ZFR2: variants seen among roughly 807,000 people sequenced by gnomAD.
ZFR2 encodes the protein zinc finger RNA binding protein 2, also known as zinc finger RNA-binding protein 2.
Under a neutral mutation model 105.7 loss-of-function variants are expected in ZFR2, and 104 were observed. The ratio of observed to expected loss-of-function variants is 0.98; its 90% CI spans 0.84 to 1.16. The LOEUF (loss-of-function observed/expected upper bound fraction) is 1.16, where lower values mean the gene tolerates loss of function less well. ZFR2 is among the 50% of genes most tolerant of loss of function. The pLI is 0.00. For missense variants in ZFR2, 1,425 were observed against 1,355.5 expected, an observed-to-expected ratio of 1.05 and a Z score of -0.80; for synonymous variants, 634 against 597.7, an observed-to-expected ratio of 1.06 and a Z score of -0.89.
chr19:3,860,223 TG>T (rs560705937), intron 1 of ZFR2, among the ~76,000 whole-genome samples: 480 of 141,176 alleles, frequency 3.4e-3, no homozygotes, highest in African/African-American at 0.01. Context: ...TTTTCAGAGA[TG>T]GGGGGGGTCT....
chr19:3,856,869 T>C (rs1485498381), intron 1 of ZFR2: 1 of 151,826 alleles, frequency 6.6e-6, no homozygotes, highest in African/African-American at 2.4e-5. Context: ...TAGCTGGGAA[T>C]ATAGGCACCT....
rs760306477 is a variant in ZFR2, at chr19:3,831,862, G to A, written c.396C>T (p.Cys132=). 6.9e-6 allele frequency: 11 copies of A among 1,585,024 alleles called. No homozygotes were observed. The East Asian group carries it at 1.1e-4, about 16-fold the overall frequency. The change falls in exon 4 of 19, where the codon TGC becomes TGT. Residue 132 remains cysteine (C), a synonymous_variant. Transcript: ENST00000262961. ...GACTGCCATGGGGGCTGGGCTGCCCGCAGGCTTCTTGGGTCCCTAGGGGAC... is the reference window on the plus strand; with the variant it reads ...GACTGCCATGGGGGCTGGGCTGCCCACAGGCTTCTTGGGTCCCTAGGGGAC... The part of the protein sequence containing the change: ...DSGQPGTQEA[C]GQPSPHGSHS...
intron 1 of ZFR2, among the ~76,000 whole-genome samples, chr19:3,848,337 G>A (rs1463393336): frequency 6.6e-6 from 1 of 151,166 alleles, no homozygotes; most frequent in African/African-American, 2.4e-5. Flanking sequence ...GCTTGAATGG[G>A]GGAGGTGGAG....
chr19:3,822,178 A>G lies in ZFR2; in HGVS notation c.1394T>C (p.Val465Ala). ...GCACAGCTTGCAGTGGAAGCGAAGC[A>G]CTCGCCCTTCGTCGCTGAACACCTG... Reference protein sequence around the residue: ...VEEVFSDEGRVLRFHCKLCEC... With the variant: ...VEEVFSDEGRALRFHCKLCEC... Residue 465 changes from valine to alanine, a missense_variant, in exon 9 of 19, where the codon GTG (valine) becomes GCG (alanine). Physicochemically the swap from Val to Ala is moderately conservative, Grantham distance 64. Coordinates refer to ENST00000262961, the MANE Select transcript of ZFR2 (RefSeq NM_015174.2). The G allele has an allele frequency of 2.5e-6, 4 of 1,602,610 alleles. No homozygotes were observed. Among genetic ancestry groups the G allele is most frequent in the Non-Finnish European group, 3.4e-6 (4 of 1,175,212 alleles).
At chr19:3,814,543 T>A (rs1245060397) in intron 13 of ZFR2, among the ~76,000 whole-genome samples, 1 of 152,198 alleles carries the variant, frequency 6.6e-6, no homozygotes, top group Middle Eastern at 3.2e-3. Context: ...TCTCAGGGCC[T>A]CCCTGCTGCA....
chr19:3,830,389 T>C (rs1349205935), intron 5 of ZFR2, among the ~76,000 whole-genome samples: 6 of 152,128 alleles, frequency 3.9e-5, no homozygotes, highest in Non-Finnish European at 8.8e-5. Context: ...CGAGCTGTGA[T>C]TGTACCACTG....
intron 1 of ZFR2, chr19:3,855,560 C>G: frequency 2.6e-6 from 2 of 763,380 alleles, no homozygotes; most frequent in Non-Finnish European, 3.6e-6. Flanking sequence ...CAGGAGGGTG[C>G]TGCGCGATAG....
rs537223825 is a variant in ZFR2, at chr19:3,856,729, C to A, written c.53+12236G>T. Among the ~76,000 whole-genome samples, 130 of 152,226 alleles carry A rather than the reference C, an allele frequency of 8.5e-4. 1 individual carries two copies. Among genetic ancestry groups the A allele is most frequent in the African/African-American group, 3.1e-3 (127 of 41,544 alleles). On this transcript the variant is annotated intron_variant, in intron 1 of 18. Coordinates refer to ENST00000262961, the MANE Select transcript of ZFR2 (RefSeq NM_015174.2). ...AGCTTACGATGTAGCCCAGGGTAGC[C>A]AGAGTTTCCTTTATTTTTGGAGACG... is the stretch of plus-strand genomic sequence containing the variant.
At chr19:3,868,909 C>G in intron 1 of ZFR2, 56 bp downstream of exon 1, 1 of 1,232,630 alleles carries the variant, frequency 8.1e-7, no homozygotes, top group Non-Finnish European at 1.0e-6. Context: ...TAGGCGGGGT[C>G]CCGGCCAGGC....
intron 1 of ZFR2, chr19:3,852,174 G>A: frequency 2.2e-6 from 1 of 446,874 alleles, no homozygotes; most frequent in Admixed American, 3.9e-5. Flanking sequence ...GCTCAGCTGG[G>A]TGGCTCTCCT....
intron 9 of ZFR2, among the ~76,000 whole-genome samples, 164 bp downstream of exon 9, chr19:3,821,917 A>G (rs889440598): frequency 1.3e-5 from 2 of 152,050 alleles, no homozygotes; most frequent in African/African-American, 4.8e-5. Flanking sequence ...CCGAAGATAC[A>G]CTTTTGAGAC....
At chr19:3,866,860 C>G (rs578155115) in intron 1 of ZFR2, among the ~76,000 whole-genome samples, 1 of 152,274 alleles carries the variant, frequency 6.6e-6, no homozygotes, top group African/African-American at 2.4e-5. Flanking sequence ...ATGCTCCATT[C>G]TGGGAAATCA....
intron 1 of ZFR2, among the ~76,000 whole-genome samples, chr19:3,846,908 C>CAGACACACAACA (rs2038189836): frequency 6.6e-6 from 1 of 152,218 alleles, no homozygotes; most frequent in African/African-American, 2.4e-5. Context: ...AGGCTTTAAA[C>CAGACACACAACA]ACTGTGTCTG....
chr19:3,806,029 T>C lies in ZFR2; in HGVS notation c.2740A>G (p.Arg914Gly). ...RHRLGARFRK[R>G]QRGPGEGEEG... ...TCTCCCTCGCCAGGTCCCCGTTGCC[T>C]CTTCCGGAAGCGGGCCCCCAGCCGG... Residue 914 changes from arginine (R) to glycine (G), a missense_variant, in exon 19 of 19, where the codon AGG becomes GGG. Arg to Gly is a moderately radical substitution (Grantham distance 125, BLOSUM62 -2). Coordinates refer to ENST00000262961, the MANE Select transcript of ZFR2 (RefSeq NM_015174.2). 6.5e-7 allele frequency: 1 copy of C among 1,544,394 alleles called. No homozygotes were observed. The highest frequency in any genetic ancestry group is 8.7e-7 in the Non-Finnish European group (1 of 1,145,996).
At chr19:3,850,900 C>CAAAAAAAAAAAAAAAAAAAAAAAA (rs59933286) in intron 1 of ZFR2, among the ~76,000 whole-genome samples, 1 of 92,500 alleles carries the variant, frequency 1.1e-5, no homozygotes, top group Non-Finnish European at 2.0e-5. Context: ...GCAGTCTTTT[C>CAAAAAAAAAAAAAAAAAAAAAAAA]AAAAAAAAAA....
At chr19:3,857,151 AGT>A (rs1209894902) in intron 1 of ZFR2, 1 of 124,652 alleles carries the variant, frequency 8.0e-6, no homozygotes, top group Non-Finnish European at 1.6e-5. Context: ...GCAGTGGCAC[AGT>A]CTCGACTCAC....
chr19:3,812,172 C>T (rs1464213401), intron 14 of ZFR2, among the ~76,000 whole-genome samples: 2 of 151,862 alleles, frequency 1.3e-5, no homozygotes, highest in Non-Finnish European at 2.9e-5. Flanking sequence ...TCGAACCCCT[C>T]ACCTCAGGTG....
chr19:3,864,913 A>AT (rs1315675761), intron 1 of ZFR2, among the ~76,000 whole-genome samples: 2 of 151,890 alleles, frequency 1.3e-5, no homozygotes, highest in East Asian at 3.9e-4. Context: ...ACAGCTGGCT[A>AT]TTTTTTTGTA....
chr19:3,847,019 A>T (rs1343369241), intron 1 of ZFR2, among the ~76,000 whole-genome samples: 1 of 152,192 alleles, frequency 6.6e-6, no homozygotes, highest in Non-Finnish European at 1.5e-5. Flanking sequence ...TGCTTCCAAG[A>T]TGCCTTCCTG....
Sources: allele counts gnomAD v4.1 joint callset (sites outside exome capture counted in the v4.1 genomes callset), GRCh38; gene constraint gnomAD v4.1.1; transcripts MANE v1.5; gene names NCBI Gene and HGNC (gene_info 2026-07-23, HGNC 2026-07-21).